CNTNAP2: variants seen among roughly 807,000 people sequenced by gnomAD.
CNTNAP2 encodes contactin associated protein 2.
In CNTNAP2, 98 loss-of-function variants were observed where a neutral mutation model predicts 155.2. The ratio of observed to expected loss-of-function variants is 0.63; its 90% CI spans 0.54 to 0.75. CNTNAP2 has a LOEUF of 0.75. Ranked by LOEUF, CNTNAP2 falls within the 30% of genes least tolerant of loss-of-function variation. CNTNAP2 has a pLI of 0.00. For synonymous variants in CNTNAP2, 651 were observed against 631.2 expected, an observed-to-expected ratio of 1.03 and a Z score of -0.47; for missense variants, 1,727 against 1,688.1, an observed-to-expected ratio of 1.02 and a Z score of -0.40.
intron 13 of CNTNAP2, among the ~76,000 whole-genome samples, chr7:147,670,756 T>C (rs1795773761): frequency 6.6e-6 from 1 of 152,198 alleles, no homozygotes; most frequent in South Asian, 2.1e-4. Flanking sequence ...TCCTTCAGGT[T>C]GTTCATATGA....
Position 146,385,492 on chromosome 7 carries a change from G to A in CNTNAP2, c.97+268519G>A, listed in dbSNP as rs187864232. Among the ~76,000 whole-genome samples, 294 of 152,266 alleles carry A rather than the reference G, an allele frequency of 1.9e-3. 2 individuals are homozygous for A. Among genetic ancestry groups the A allele is most frequent in the African/African-American group, 6.9e-3 (287 of 41,542 alleles). On this transcript the variant is annotated intron_variant, in intron 1 of 23. Transcript: ENST00000361727. ...ATTCAGCTAAGAATAGTTAATTCAC[G>A]TCATGCCTCATGATTAAGTGCAAAC...
intron 9 of CNTNAP2, among the ~76,000 whole-genome samples, chr7:147,332,258 T>C (rs954971791): frequency 2.6e-5 from 4 of 152,176 alleles, no homozygotes; most frequent in African/African-American, 9.6e-5. Context: ...GGTACCAAAC[T>C]TCAAGAAAAA....
At chr7:148,388,129 C>T (rs1200589783) in intron 22 of CNTNAP2, among the ~76,000 whole-genome samples, 1 of 152,116 alleles carries the variant, frequency 6.6e-6, no homozygotes, top group Non-Finnish European at 1.5e-5. Context: ...TGTGGTGTAG[C>T]TATTCTTTTA....
chr7:146,131,154 AT>A (rs757719342), intron 1 of CNTNAP2, among the ~76,000 whole-genome samples: 1 of 152,184 alleles, frequency 6.6e-6, no homozygotes, highest in South Asian at 2.1e-4. Flanking sequence ...ATTTGTAGTT[AT>A]TTTTTAATGT....
At chr7:147,273,263 G>C (rs1804803284) in intron 8 of CNTNAP2, among the ~76,000 whole-genome samples, 1 of 152,046 alleles carries the variant, frequency 6.6e-6, no homozygotes, top group Non-Finnish European at 1.5e-5. Context: ...AAATTGTTGT[G>C]GTATTGATAT....
intron 9 of CNTNAP2, among the ~76,000 whole-genome samples, chr7:147,337,362 G>C (rs576427103): frequency 6.6e-6 from 1 of 152,072 alleles, no homozygotes. Context: ...GAATTGCTGA[G>C]CTAAAGCATT....
At chr7:147,496,752 G>C (rs1241573085) in intron 11 of CNTNAP2, 1 of 151,930 alleles carries the variant, frequency 6.6e-6, no homozygotes, top group Non-Finnish European at 1.5e-5. Context: ...TTCACAGGAA[G>C]AAATTCTGAA....
chr7:147,084,812 T>C (rs1008511007), intron 4 of CNTNAP2, among the ~76,000 whole-genome samples: 1 of 148,454 alleles, frequency 6.7e-6, no homozygotes, highest in African/African-American at 2.4e-5. Context: ...TTTTATGTAT[T>C]TTATTATATA....
chr7:148,152,614 C>A (rs1413749265), intron 17 of CNTNAP2, among the ~76,000 whole-genome samples: 1 of 152,172 alleles, frequency 6.6e-6, no homozygotes, highest in African/African-American at 2.4e-5. Flanking sequence ...AGAGTTCAGG[C>A]CTCTCCCATA....
In CNTNAP2 at chr7:147,485,958, A is replaced by G. The variant is rs757944719; in HGVS notation, c.1694A>G (p.His565Arg). 6.2e-7 allele frequency: 1 copy of G among 1,614,096 alleles called. No individual in the cohort carries two copies. Among genetic ancestry groups the G allele is most frequent in the South Asian group, 1.1e-5 (1 of 91,072 alleles). ...IDRCVPNHCE[H>R]GGKCSQTWDS... is the part of the protein sequence containing the mutation. ...AGATGTGTGCCCAATCACTGTGAGC[A>G]TGGTGGAAAGTGCTCGCAAACATGG... Residue 565 changes from histidine to arginine, a missense_variant, in exon 11 of 24, where the codon CAT becomes CGT. His to Arg is a conservative substitution (Grantham distance 29). Coordinates refer to ENST00000361727, the MANE Select transcript of CNTNAP2 (RefSeq NM_014141.6).
intron 20 of CNTNAP2, among the ~76,000 whole-genome samples, chr7:148,263,615 G>C (rs867068872): frequency 3.3e-5 from 5 of 151,624 alleles, no homozygotes; most frequent in African/African-American, 1.2e-4. Context: ...CGGGCGCCTG[G>C]AGTCCCAGCT....
intron 1 of CNTNAP2, among the ~76,000 whole-genome samples, chr7:146,253,089 G>A (rs1158319636): frequency 3.3e-5 from 5 of 152,224 alleles, no homozygotes; most frequent in African/African-American, 9.6e-5. Context: ...CAAAAATGGT[G>A]CAATACTGTG....
At chr7:146,862,106 G>C (rs1457711167) in intron 3 of CNTNAP2, among the ~76,000 whole-genome samples, 1 of 152,122 alleles carries the variant, frequency 6.6e-6, no homozygotes, top group East Asian at 1.9e-4. Context: ...AGGCGCGGTC[G>C]ATGGCAATGT....
intron 2 of CNTNAP2, among the ~76,000 whole-genome samples, chr7:146,784,486 C>T (rs149927642): frequency 6.6e-6 from 1 of 152,222 alleles, no homozygotes; most frequent in East Asian, 1.9e-4. Flanking sequence ...ATGGGATAAC[C>T]ACATCTGAAT....
At chr7:146,596,603 G>C (rs866812408) in intron 1 of CNTNAP2, among the ~76,000 whole-genome samples, 112 of 134,288 alleles carry the variant, frequency 8.3e-4, no homozygotes, top group Non-Finnish European at 1.2e-3. Flanking sequence ...GACAGAGAGA[G>C]AGAGAGAGAG....
At chr7:148,019,766 T>A (rs1187864271) in intron 15 of CNTNAP2, among the ~76,000 whole-genome samples, 1 of 151,666 alleles carries the variant, frequency 6.6e-6, no homozygotes, top group Non-Finnish European at 1.5e-5. Context: ...CTCAGGGTAT[T>A]CTTTTTTTGG....
chr7:146,353,154 A>G (rs1341989960), intron 1 of CNTNAP2, among the ~76,000 whole-genome samples: 3 of 152,084 alleles, frequency 2.0e-5, no homozygotes, highest in Non-Finnish European at 4.4e-5. Flanking sequence ...TTAATAATTT[A>G]CTCTGATTAG....
intron 14 of CNTNAP2, among the ~76,000 whole-genome samples, chr7:147,961,105 C>T (rs181235669): frequency 6.6e-6 from 1 of 151,958 alleles, no homozygotes; most frequent in African/African-American, 2.4e-5. Flanking sequence ...TCACATCTGA[C>T]CTATTCATGT....
chr7:147,604,414 TG>T (rs1801022343), intron 12 of CNTNAP2, among the ~76,000 whole-genome samples: 1 of 152,232 alleles, frequency 6.6e-6, no homozygotes, highest in Non-Finnish European at 1.5e-5. Flanking sequence ...CTCTTATTCA[TG>T]ATCACATTGT....
Sources: gnomAD v4.1 joint callset for allele counts (sites outside exome capture counted in the v4.1 genomes callset) on GRCh38, gnomAD v4.1.1 for gene constraint, MANE v1.5 for transcripts, NCBI Gene and HGNC (gene_info 2026-07-23, HGNC 2026-07-21) for gene names.